Variants in FAT3 observed in about 807,000 individuals in gnomAD.
The protein encoded by FAT3 is protocadherin Fat 3.
A neutral mutation model predicts 310.2 loss-of-function variants in FAT3; 95 were observed. That is an observed-to-expected ratio of 0.31 (90% confidence interval 0.26 to 0.36). FAT3 has a LOEUF of 0.36. FAT3 is among the 10% of genes least tolerant of loss of function. The pLI is 1.00. For synonymous variants in FAT3, 2,314 were observed against 2,192.9 expected (o/e 1.06, Z -1.54); for missense variants, 5,408 against 5,715.6 (o/e 0.95, Z 1.74).
intron 1 of FAT3, among the ~76,000 whole-genome samples, chr11:92,321,292 C>A (rs933143951): frequency 3.3e-5 from 5 of 152,020 alleles, no homozygotes; most frequent in African/African-American, 1.2e-4. Flanking sequence ...AAAAAAATAG[C>A]CAGGCGTGGT....
chr11:92,777,975 A>C (rs1946638560), intron 7 of FAT3, among the ~76,000 whole-genome samples: 1 of 151,884 alleles, frequency 6.6e-6, no homozygotes, highest in African/African-American at 2.4e-5. Context: ...CCACTTCATC[A>C]GAGACATCAG....
rs1344169096 is a variant in FAT3, at chr11:92,552,958, AAAT to A, written c.3607+28013_3607+28015del. Among the ~76,000 whole-genome samples, 48 of 140,836 alleles carry A rather than the reference AAAT, an allele frequency of 3.4e-4. 1 individual carries two copies. The highest frequency in any genetic ancestry group is 9.1e-4 in the East Asian group (4 of 4,410). The allele number at this position is 140,836 out of a possible 152,430, so 92.4% of individuals were successfully genotyped here. On this transcript the variant is annotated intron_variant, in intron 3 of 27. Transcript: ENST00000525166. ...GAGTGAGACACGTTCAAACAAAAAA[AAAT>A]AAAAGAAAAGAAAAAAGAATTGGAA...
At chr11:92,719,110 C>T (rs920749134) in intron 4 of FAT3, among the ~76,000 whole-genome samples, 1 of 152,152 alleles carries the variant, frequency 6.6e-6, no homozygotes, top group African/African-American at 2.4e-5. Flanking sequence ...GCCATATACA[C>T]CTATCTCTGA....
In FAT3 at chr11:92,442,109, ATATTTTT is replaced by A. The variant is rs1951086450; in HGVS notation, c.3293-82523_3293-82517del. On this transcript the variant is annotated intron_variant, in intron 2 of 27. Transcript: ENST00000525166. The stretch of plus-strand genomic sequence containing the variant: ...TATATATATATATATATATATATAT[ATATTTTT>A]TTTTTTTTTTTTTTTGAGATGGAGT... Among the ~76,000 whole-genome samples, 12 of 50,080 alleles carry A rather than the reference ATATTTTT, an allele frequency of 2.4e-4. 1 individual carries two copies. The highest frequency in any genetic ancestry group is 1.8e-3 in the African/African-American group (12 of 6,718). 32.9% of individuals were successfully genotyped at this position (50,080 alleles called of 152,430 possible). A position where few individuals can be genotyped will look rare whatever the true frequency, so the allele number is the denominator to read the frequency against.
At chr11:92,691,369 C>T (rs1943794212) in intron 3 of FAT3, among the ~76,000 whole-genome samples, 1 of 152,030 alleles carries the variant, frequency 6.6e-6, no homozygotes, top group African/African-American at 2.4e-5. Context: ...GAAGAAGCTC[C>T]AGAGTTAGTT....
At chr11:92,603,642 C>T (rs1940135892) in intron 3 of FAT3, among the ~76,000 whole-genome samples, 1 of 152,294 alleles carries the variant, frequency 6.6e-6, no homozygotes, top group South Asian at 2.1e-4. Context: ...TTTATGCTTC[C>T]ATGTCTTGCT....
intron 25 of FAT3, among the ~76,000 whole-genome samples, chr11:92,887,643 A>G (rs530498390): frequency 3.3e-5 from 5 of 152,192 alleles, no homozygotes; most frequent in Non-Finnish European, 7.3e-5. Flanking sequence ...AGAAAAATGC[A>G]CATACACCCA....
At chr11:92,533,948 A>G (rs1405595726) in intron 3 of FAT3, among the ~76,000 whole-genome samples, 1 of 152,198 alleles carries the variant, frequency 6.6e-6, no homozygotes, top group Non-Finnish European at 1.5e-5. Flanking sequence ...GTTAAAAAAA[A>G]GAGAGATTGA....
intron 24 of FAT3, among the ~76,000 whole-genome samples, chr11:92,886,461 G>A (rs1020444283): frequency 6.6e-6 from 1 of 152,118 alleles, no homozygotes; most frequent in Non-Finnish European, 1.5e-5. Flanking sequence ...CTGACACAGG[G>A]TGCAGAACAT....
chr11:92,454,854 T>C (rs1951456695), intron 2 of FAT3, among the ~76,000 whole-genome samples: 1 of 152,258 alleles, frequency 6.6e-6, no homozygotes, highest in East Asian at 1.9e-4. Flanking sequence ...TTTTTCCACG[T>C]GCCAAGCCCT....
chr11:92,734,574 C>A (rs1384112964), intron 4 of FAT3, among the ~76,000 whole-genome samples: 1 of 151,894 alleles, frequency 6.6e-6, no homozygotes, highest in Non-Finnish European at 1.5e-5. Context: ...TAATAATGCA[C>A]TAGAAAATAA....
At chr11:92,836,440 T>G (rs1240152188) in intron 15 of FAT3, 126 bp from the exon 16 acceptor site, 4 of 1,088,796 alleles carry the variant, frequency 3.7e-6, no homozygotes, top group Non-Finnish European at 5.1e-6. Flanking sequence ...GTCACTAACA[T>G]TAGAGAGCAG....
intron 2 of FAT3, among the ~76,000 whole-genome samples, chr11:92,444,776 A>G (rs1951171867): frequency 6.6e-6 from 1 of 152,078 alleles, no homozygotes; most frequent in Non-Finnish European, 1.5e-5. Flanking sequence ...CTGTCAATGC[A>G]TATGACCTTC....
At chr11:92,439,831 A>G (rs1951026552) in intron 2 of FAT3, among the ~76,000 whole-genome samples, 2 of 151,972 alleles carry the variant, frequency 1.3e-5, no homozygotes, top group Admixed American at 1.3e-4. Flanking sequence ...CGGGAGGGTC[A>G]CTTGAGCTCA....
rs560054102 is a variant in FAT3, at chr11:92,883,844, G to A, written c.12937+451G>A. Among the ~76,000 whole-genome samples, 7 of 152,340 alleles carry A rather than the reference G, an allele frequency of 4.6e-5. No homozygotes were observed. The highest frequency in any genetic ancestry group is 2.0e-4 in the Admixed American group (3 of 15,304). The stretch of plus-strand genomic sequence containing the variant: ...TCCAGAAGTGTGCTCTGGAAGGCTG[G>A]AAGAAGAGAGTATTTCCAGTCTTAG... On this transcript the variant is annotated intron_variant, in intron 24 of 27. Coordinates refer to ENST00000525166, the MANE Select transcript of FAT3 (RefSeq NM_001367949.2). The surrounding 1 kb of genome is among the most constrained non-coding windows in gnomAD (Gnocchi z 4.2).
chr11:92,550,807 C>A (rs1954788606), intron 3 of FAT3, among the ~76,000 whole-genome samples: 1 of 144,594 alleles, frequency 6.9e-6, no homozygotes. Context: ...GTTTTGTGTG[C>A]AAGTGTACTT....
At position 92,801,489 on chromosome 11, in the gene FAT3, G is replaced by A. The variant is rs368173363; in HGVS notation, c.8476G>A (p.Gly2826Arg). Reference protein sequence around the residue: ...TSSYDTIIMEGMPVGTKLTQV... With the variant: ...TSSYDTIIMERMPVGTKLTQV... ...AAGCTATGACACCATTATAATGGAA[G>A]GGATGCCTGTTGGCACCAAACTCAC... Residue 2826 changes from glycine to arginine, a missense_variant, in exon 10 of 28, where the codon GGG becomes AGG. Physicochemically the swap from Gly to Arg is moderately radical, Grantham distance 125. Around this residue, in one of 5 missense-constraint regions of FAT3, gnomAD observed 4,588 missense variants for 4,809.8 expected, o/e 0.95. Transcript: ENST00000525166. 23 of 1,612,920 alleles carry A rather than the reference G, an allele frequency of 1.4e-5. No individual in the cohort carries two copies. Among genetic ancestry groups the A allele is most frequent in the Admixed American group, 5.0e-5 (3 of 59,878 alleles).
chr11:92,423,985 C>T (rs749205727), intron 2 of FAT3, among the ~76,000 whole-genome samples: 1 of 152,132 alleles, frequency 6.6e-6, no homozygotes, highest in Non-Finnish European at 1.5e-5. Flanking sequence ...GTCTCATGGC[C>T]TAGCCAAATT....
rs548973800 is a variant in FAT3 at position 92,864,611 on chromosome 11, A to C, written c.11659-2130A>C. Among the ~76,000 whole-genome samples the C allele has an allele frequency of 2.6e-5, 4 of 152,268 alleles. No homozygotes were observed. The East Asian group carries it at 7.7e-4, about 29-fold the overall frequency. Reference sequence around the variant, plus strand: ...GGCAGGCAGATCACACGGTCAGGAGATCAAGACCATCCTGGCCAACCTGGT... The same window carrying C: ...GGCAGGCAGATCACACGGTCAGGAGCTCAAGACCATCCTGGCCAACCTGGT... On this transcript the variant is annotated intron_variant, in intron 21 of 27. Coordinates refer to ENST00000525166, the MANE Select transcript of FAT3 (RefSeq NM_001367949.2).
Sources: allele counts gnomAD v4.1 joint callset (sites outside exome capture counted in the v4.1 genomes callset), GRCh38; gene constraint gnomAD v4.1.1; regional missense constraint gnomAD v4.1.1; non-coding constraint Gnocchi (gnomAD v3.1); transcripts MANE v1.5; gene names NCBI Gene and HGNC (gene_info 2026-07-23, HGNC 2026-07-21).